CLSTN2: variants seen among roughly 807,000 people sequenced by gnomAD.
The protein encoded by CLSTN2 is calsyntenin 2.
CLSTN2 carries 48 observed loss-of-function variants against 101.2 expected under a neutral mutation model. The observed-to-expected ratio is 0.47, with a 90% CI of 0.38 to 0.60. The LOEUF (loss-of-function observed/expected upper bound fraction) is 0.60, where lower values mean the gene tolerates loss of function less well. CLSTN2 is among the 20% of genes least tolerant of loss of function. CLSTN2 has a pLI of 0.00. For synonymous variants in CLSTN2, 481 were observed against 463.6 expected (o/e 1.04, Z -0.48); for missense variants, 1,160 against 1,238.2 (o/e 0.94, Z 0.95).
intron 1 of CLSTN2, among the ~76,000 whole-genome samples, chr3:140,136,177 C>T (rs902883674): frequency 3.9e-5 from 6 of 152,266 alleles, no homozygotes; most frequent in South Asian, 2.1e-4. Flanking sequence ...GGTCATTGTT[C>T]CCCTAGAGGA....
At chr3:140,314,907 G>T (rs571121455) in intron 2 of CLSTN2, among the ~76,000 whole-genome samples, 5 of 152,202 alleles carry the variant, frequency 3.3e-5, no homozygotes, top group Non-Finnish European at 5.9e-5. Context: ...TCAGGGAAGG[G>T]CCCCATGGTT....
At chr3:139,977,039 G>T (rs958508589) in intron 1 of CLSTN2, among the ~76,000 whole-genome samples, 15 of 152,264 alleles carry the variant, frequency 9.9e-5, no homozygotes, top group African/African-American at 3.4e-4. Flanking sequence ...CACTCCATTT[G>T]CAAACAGGAA....
chr3:140,411,247 T>C (rs548532593), intron 4 of CLSTN2, among the ~76,000 whole-genome samples: 71 of 152,206 alleles, frequency 4.7e-4, no homozygotes, highest in African/African-American at 1.5e-3. Context: ...TTTGTGCAAA[T>C]GGAAACCAAA....
intron 8 of CLSTN2, among the ~76,000 whole-genome samples, chr3:140,477,600 C>T (rs965897930): frequency 2.0e-5 from 3 of 152,172 alleles, no homozygotes; most frequent in African/African-American, 7.2e-5. Context: ...TAAAACTTAA[C>T]TCCATGTTAT....
chr3:140,558,544 G>A, intron 11 of CLSTN2, 96 bp from the exon 12 acceptor site: 2 of 926,732 alleles, frequency 2.2e-6, no homozygotes, highest in African/African-American at 3.3e-5. Context: ...ACGATGCCTT[G>A]TTAAGAACTG....
Position 140,016,672 on chromosome 3 carries a change from G to A in CLSTN2, c.109+81189G>A, listed in dbSNP as rs546243564. Among the ~76,000 whole-genome samples the A allele has an allele frequency of 8.6e-5, 13 of 151,416 alleles. 1 individual carries two copies. The South Asian group carries it at 2.5e-3, about 29-fold the overall frequency. ...AAATTAGCTGGGTGTGGTGGCATGT[G>A]CCTGTAGCCCCAGCTACTCAAGAGG... is the stretch of plus-strand genomic sequence containing the variant. On this transcript the variant is annotated intron_variant, in intron 1 of 16. Transcript: ENST00000458420.
intron 8 of CLSTN2, among the ~76,000 whole-genome samples, chr3:140,485,227 AC>A (rs1934211878): frequency 6.6e-6 from 1 of 151,944 alleles, no homozygotes; most frequent in Non-Finnish European, 1.5e-5. Context: ...TCCACTCCAG[AC>A]CCTGTTTTCC....
At chr3:140,489,507 T>C (rs534451472) in intron 8 of CLSTN2, among the ~76,000 whole-genome samples, 3 of 152,122 alleles carry the variant, frequency 2.0e-5, no homozygotes, top group East Asian at 3.9e-4. Flanking sequence ...TGATCAGGGA[T>C]AGACAGGAGC....
chr3:139,957,167 G>A (rs145354878), intron 1 of CLSTN2, among the ~76,000 whole-genome samples: 78 of 152,254 alleles, frequency 5.1e-4, no homozygotes, highest in African/African-American at 1.8e-3. Flanking sequence ...CTCTGAGGAG[G>A]GGCCATTCAT....
rs750088450 is a variant in CLSTN2 at position 140,311,287 on chromosome 3, C to CTTTTTTTTTTTTTTT, written c.233-92320_233-92306dup. Among the ~76,000 whole-genome samples the CTTTTTTTTTTTTTTT allele has an allele frequency of 1.7e-4, 9 of 52,080 alleles. 1 individual carries two copies. Among genetic ancestry groups the CTTTTTTTTTTTTTTT allele is most frequent in the African/African-American group, 3.8e-4 (4 of 10,624 alleles). The allele number at this position is 52,080 out of a possible 152,430, so 34.2% of individuals were successfully genotyped here. A position where few individuals can be genotyped will look rare whatever the true frequency, so the allele number is the denominator to read the frequency against. ...ATAATAACAGCTAAGGTTTATTATC[C>CTTTTTTTTTTTTTTT]TTTTTTTTTTTTTTTTTTTTTTTTT... On this transcript the variant is annotated intron_variant, in intron 2 of 16. Transcript: ENST00000458420.
chr3:140,406,641 C>T (rs1424952714), intron 4 of CLSTN2, among the ~76,000 whole-genome samples: 2 of 152,246 alleles, frequency 1.3e-5, no homozygotes, highest in Non-Finnish European at 2.9e-5. Context: ...TGTGCACACA[C>T]CACTCCATAA....
At chr3:140,248,637 G>C (rs2086537232) in intron 2 of CLSTN2, among the ~76,000 whole-genome samples, 1 of 152,186 alleles carries the variant, frequency 6.6e-6, no homozygotes, top group Non-Finnish European at 1.5e-5. Flanking sequence ...GTTAATAACA[G>C]ATCCACAGGC....
In CLSTN2 at chr3:140,558,866, G is replaced by T; in HGVS notation, c.2041+9G>T. The T allele has an allele frequency of 6.2e-7, 1 of 1,611,212 alleles. No homozygotes were observed. The highest frequency in any genetic ancestry group is 8.5e-7 in the Non-Finnish European group (1 of 1,178,638). ...GGACGTGAAAACCACAGGTACAGGT[G>T]CATTTGAGTTTGTGGGGAGGGTGGA... is the stretch of plus-strand genomic sequence containing the variant. On this transcript the variant is annotated intron_variant, in intron 12 of 16. Coordinates refer to ENST00000458420, the MANE Select transcript of CLSTN2 (RefSeq NM_022131.3).
intron 1 of CLSTN2, among the ~76,000 whole-genome samples, chr3:140,107,840 C>A (rs961569151): frequency 6.6e-6 from 1 of 152,162 alleles, no homozygotes; most frequent in African/African-American, 2.4e-5. Context: ...CCTCCTCAAT[C>A]TTTTAATTCT....
intron 2 of CLSTN2, among the ~76,000 whole-genome samples, chr3:140,373,355 T>A (rs1237287137): frequency 1.3e-5 from 2 of 152,218 alleles, no homozygotes; most frequent in Non-Finnish European, 2.9e-5. Flanking sequence ...CTCTTCCCCC[T>A]ACTGCTCCTT....
chr3:140,564,196 C>A, intron 16 of CLSTN2, 51 bp downstream of exon 16: 1 of 1,547,338 alleles, frequency 6.5e-7, no homozygotes, highest in Non-Finnish European at 8.9e-7. Flanking sequence ...TCTCCCTCTA[C>A]CCAGCTCAAC....
chr3:140,183,366 C>T (rs1026277266), intron 2 of CLSTN2, among the ~76,000 whole-genome samples: 5 of 152,092 alleles, frequency 3.3e-5, no homozygotes, highest in Non-Finnish European at 5.9e-5. Flanking sequence ...TCCTCGTAAA[C>T]CAGAGTGAGT....
Position 140,571,104 on chromosome 3 carries a change from G to A in CLSTN2, c.*4851G>A, listed in dbSNP as rs1447544911. 2 of 152,234 alleles carry A rather than the reference G, an allele frequency of 1.3e-5. No individual in the cohort carries two copies. Among genetic ancestry groups the A allele is most frequent in the African/African-American group, 4.8e-5 (2 of 41,462 alleles). The allele number at this position is 152,234 out of a possible 1,614,324, so 9.4% of individuals were successfully genotyped here. ...GAGTGCTAACTCCACTGAGGCAAGT[G>A]TTAGCCCCCCAAGGCTCAGTGCCTT... is the stretch of plus-strand genomic sequence containing the variant. On this transcript the variant is annotated 3_prime_UTR_variant, in exon 17 of 17. Coordinates refer to ENST00000458420, the MANE Select transcript of CLSTN2 (RefSeq NM_022131.3).
intron 2 of CLSTN2, among the ~76,000 whole-genome samples, chr3:140,337,838 A>G (rs1424236395): frequency 6.6e-6 from 1 of 152,136 alleles, no homozygotes; most frequent in Non-Finnish European, 1.5e-5. Flanking sequence ...TTGAGCCCTT[A>G]CTCATGGGCT....
Sources: gnomAD v4.1 joint callset for allele counts (sites outside exome capture counted in the v4.1 genomes callset) on GRCh38, gnomAD v4.1.1 for gene constraint, MANE v1.5 for transcripts, NCBI Gene and HGNC (gene_info 2026-07-23, HGNC 2026-07-21) for gene names.